SHISA6: variants seen among roughly 807,000 people sequenced by gnomAD.
The protein encoded by SHISA6 is shisa family member 6.
In SHISA6, 22 loss-of-function variants were observed where a neutral mutation model predicts 47.9. That is an observed-to-expected ratio of 0.46 (90% CI 0.33 to 0.66). The LOEUF is 0.66. Ranked by LOEUF, SHISA6 falls within the 30% of genes least tolerant of loss-of-function variation. The probability of loss-of-function intolerance (pLI) is 0.02; values close to 1 mark genes in which losing one functional copy is unlikely to be tolerated. For missense variants in SHISA6, 680 were observed against 764.6 expected (o/e 0.89, Z 1.30); for synonymous variants, 388 against 337.8 (o/e 1.15, Z -1.63).
chr17:11,532,504 C>T (rs149457944), intron 3 of SHISA6, among the ~76,000 whole-genome samples: 126 of 152,286 alleles, frequency 8.3e-4, no homozygotes, highest in African/African-American at 2.7e-3. Context: ...TGTGCGCGCA[C>T]GCGCGTATGT....
intron 2 of SHISA6, among the ~76,000 whole-genome samples, chr17:11,308,673 G>C (rs925715059): frequency 6.6e-6 from 1 of 152,146 alleles, no homozygotes; most frequent in Non-Finnish European, 1.5e-5. Flanking sequence ...GAAACTCTGC[G>C]ATCTCACAGC....
rs556143261 is a variant in SHISA6 at position 11,562,880 on chromosome 17, G to A, written c.*4576G>A. 3 of 152,552 alleles carry A rather than the reference G, an allele frequency of 2.0e-5. No homozygotes were observed. In the East Asian group the frequency reaches 5.8e-4, roughly 29 times the overall value. 9.4% of individuals were successfully genotyped at this position (152,552 alleles called of 1,614,324 possible). ...GCCACCGCACTCCTCACTAGAGCCT[G>A]GGGTGGGCCTGATGGGCTCGGCCAC... On this transcript the variant is annotated 3_prime_UTR_variant, in exon 6 of 6. Coordinates refer to ENST00000441885, the MANE Select transcript of SHISA6 (RefSeq NM_207386.4).
chr17:11,337,843 C>T (rs1168006688), intron 2 of SHISA6, among the ~76,000 whole-genome samples: 1 of 152,066 alleles, frequency 6.6e-6, no homozygotes, highest in African/African-American at 2.4e-5. Context: ...GAAAACCACC[C>T]GATGTGTAAT....
rs1161094119 is a variant in SHISA6 at position 11,367,036 on chromosome 17, C to A, written c.800-12378C>A. On this transcript the variant is annotated intron_variant, in intron 2 of 5. Transcript: ENST00000441885. ...CGGAAAGGAGAGATGGACAGACAGA[C>A]CTACAGGATGGGCAAGAGGGAATTG... is the stretch of plus-strand genomic sequence containing the variant. Among the ~76,000 whole-genome samples the A allele has an allele frequency of 2.0e-5, 3 of 152,066 alleles. No individual in the cohort carries two copies. In the East Asian group the frequency reaches 5.8e-4, roughly 29 times the overall value.
chr17:11,315,374 C>T (rs1910470822), intron 2 of SHISA6, among the ~76,000 whole-genome samples: 1 of 152,064 alleles, frequency 6.6e-6, no homozygotes. Flanking sequence ...TGTCGTATCA[C>T]CTGCAAAGAA....
intron 3 of SHISA6, among the ~76,000 whole-genome samples, chr17:11,545,750 C>G (rs2071877814): frequency 6.6e-6 from 1 of 152,184 alleles, no homozygotes; most frequent in South Asian, 2.1e-4. Context: ...GAAGTCTTGT[C>G]CCCTCACAGG....
chr17:11,244,207 C>T lies in SHISA6; in HGVS notation c.638+2147C>T, dbSNP rs557648030. Among the ~76,000 whole-genome samples the T allele has an allele frequency of 2.6e-5, 4 of 152,228 alleles. No homozygotes were observed. In the South Asian group the frequency reaches 8.3e-4, roughly 32 times the overall value. On this transcript the variant is annotated intron_variant, in intron 1 of 5. Coordinates refer to ENST00000441885, the MANE Select transcript of SHISA6 (RefSeq NM_207386.4). ...AGCTTTATGCAAATATGGGATGTTT[C>T]CCCCTCAAGTTCACCACCTGATTTT...
At chr17:11,398,193 A>T (rs1307913964) in intron 3 of SHISA6, among the ~76,000 whole-genome samples, 1 of 152,178 alleles carries the variant, frequency 6.6e-6, no homozygotes, top group East Asian at 1.9e-4. Flanking sequence ...TTAACAATAG[A>T]TTAGTATATG....
chr17:11,416,383 T>G (rs1914282474), intron 3 of SHISA6, among the ~76,000 whole-genome samples: 1 of 152,234 alleles, frequency 6.6e-6, no homozygotes, highest in Non-Finnish European at 1.5e-5. Flanking sequence ...TTATTTTCAT[T>G]GTTGGCCATA....
intron 3 of SHISA6, among the ~76,000 whole-genome samples, chr17:11,500,881 T>C (rs1379956446): frequency 1.3e-5 from 2 of 152,152 alleles, no homozygotes; most frequent in Non-Finnish European, 2.9e-5. Context: ...AAGGTTGTTT[T>C]TTCCCAAAGC....
In SHISA6 at chr17:11,376,444, C is replaced by T. The variant is rs1912804096; in HGVS notation, c.800-2970C>T. Among the ~76,000 whole-genome samples, 5 of 152,048 alleles carry T rather than the reference C, an allele frequency of 3.3e-5. No individual in the cohort carries two copies. In the South Asian group the frequency reaches 1.0e-3, roughly 32 times the overall value. ...GCAGTTCTCCTGCCTCAGGCCTCAGCTTCCCGAGTAGCTGGGACTACAGGC... is the reference window on the plus strand; with the variant it reads ...GCAGTTCTCCTGCCTCAGGCCTCAGTTTCCCGAGTAGCTGGGACTACAGGC... On this transcript the variant is annotated intron_variant, in intron 2 of 5. Coordinates refer to ENST00000441885, the MANE Select transcript of SHISA6 (RefSeq NM_207386.4).
At chr17:11,289,590 G>GTATATA (rs67860908) in intron 2 of SHISA6, 27 of 143,864 alleles carry the variant, frequency 1.9e-4, no homozygotes, top group African/African-American at 4.0e-4. Flanking sequence ...ATATATATAT[G>GTATATA]TATATATATA....
chr17:11,299,468 A>G (rs953369070), intron 2 of SHISA6, among the ~76,000 whole-genome samples: 1 of 152,154 alleles, frequency 6.6e-6, no homozygotes, highest in African/African-American at 2.4e-5. Flanking sequence ...AAACAACACA[A>G]ATTTATTCCC....
Position 11,249,421 on chromosome 17 carries a change from C to T in SHISA6, c.638+7361C>T, listed in dbSNP as rs182125217. On this transcript the variant is annotated intron_variant, in intron 1 of 5. Transcript: ENST00000441885. Reference sequence around the variant, plus strand: ...CAAGCCACGGAAGCTCATTCATAGACGCCAGTTTTGCCCTTTCTCAGCTCT... The same window carrying T: ...CAAGCCACGGAAGCTCATTCATAGATGCCAGTTTTGCCCTTTCTCAGCTCT... Among the ~76,000 whole-genome samples the T allele has an allele frequency of 1.5e-4, 23 of 152,222 alleles. No homozygotes were observed. The East Asian group carries it at 1.9e-3, about 13-fold the overall frequency.
intron 3 of SHISA6, among the ~76,000 whole-genome samples, chr17:11,443,456 A>G (rs1487035324): frequency 6.6e-6 from 1 of 152,242 alleles, no homozygotes; most frequent in East Asian, 1.9e-4. Context: ...AAGAGAAGGG[A>G]GTTATCTATT....
chr17:11,549,564 TA>T (rs2071912772), intron 3 of SHISA6, among the ~76,000 whole-genome samples: 2 of 152,230 alleles, frequency 1.3e-5, no homozygotes, highest in Admixed American at 1.3e-4. Flanking sequence ...CGAGTTTTTT[TA>T]AAATGCCTAT....
In SHISA6 at chr17:11,420,557, C is replaced by T. The variant is rs538417509; in HGVS notation, c.895+41048C>T. Among the ~76,000 whole-genome samples the T allele has an allele frequency of 2.5e-4, 38 of 152,182 alleles. 2 individuals are homozygous for T. In the South Asian group the frequency reaches 4.8e-3, roughly 19 times the overall value. ...ATAACACCACATAGGTCACAGCCTC[C>T]GCAGCAATAATGAAATTCCAGGTTC... On this transcript the variant is annotated intron_variant, in intron 3 of 5. Transcript: ENST00000441885.
At chr17:11,547,692 C>A (rs761279971) in intron 3 of SHISA6, among the ~76,000 whole-genome samples, 12 of 151,924 alleles carry the variant, frequency 7.9e-5, no homozygotes, top group Admixed American at 3.9e-4. Flanking sequence ...CAGGAATTAG[C>A]AAATTCAAAA....
chr17:11,412,696 C>G (rs369872714), intron 3 of SHISA6, among the ~76,000 whole-genome samples: 2 of 151,980 alleles, frequency 1.3e-5, no homozygotes. Flanking sequence ...CACCGGCCAC[C>G]GTGCCGGGCT....
Sources: allele counts gnomAD v4.1 joint callset (sites outside exome capture counted in the v4.1 genomes callset), GRCh38; gene constraint gnomAD v4.1.1; transcripts MANE v1.5; gene names NCBI Gene and HGNC (gene_info 2026-07-23, HGNC 2026-07-21).